The following RALGPS2 variants were observed in gnomAD, a reference collection of about 807,000 sequenced individuals.
RALGPS2 encodes ras-specific guanine nucleotide-releasing factor RalGPS2.
RALGPS2 carries 43 observed loss-of-function variants against 86.8 expected under a neutral mutation model. The observed-to-expected ratio is 0.50, with a 90% CI of 0.39 to 0.64. RALGPS2 has a LOEUF of 0.64. Among genes scored for constraint, RALGPS2 ranks in the 30% least tolerant of loss-of-function variants. The pLI, the probability that RALGPS2 is intolerant of heterozygous loss-of-function variation, is 0.00. For missense variants in RALGPS2, 536 were observed against 694.6 expected (o/e 0.77, Z 2.57); for synonymous variants, 243 against 231.3 (o/e 1.05, Z -0.46).
At chr1:178,779,244 A>G (rs1479205728) in intron 2 of RALGPS2, among the ~76,000 whole-genome samples, 1 of 152,170 alleles carries the variant, frequency 6.6e-6, no homozygotes, top group Non-Finnish European at 1.5e-5. Context: ...TCTAGTTAAT[A>G]TATTATGATT....
chr1:178,887,408 G>A (rs758132396), intron 13 of RALGPS2, among the ~76,000 whole-genome samples: 6 of 152,292 alleles, frequency 3.9e-5, no homozygotes, highest in Middle Eastern at 3.4e-3. Flanking sequence ...AGCCATGTTC[G>A]CAGCACTGCA....
intron 4 of RALGPS2, among the ~76,000 whole-genome samples, chr1:178,788,866 TTTTCTTTTC>T (rs1653814657): frequency 6.7e-6 from 1 of 148,572 alleles, no homozygotes; most frequent in Non-Finnish European, 1.5e-5. Context: ...TTTTCTTTTC[TTTTCTTTTC>T]TTTTCTTTCT....
At chr1:178,728,669 G>A (rs1189950662) in intron 1 of RALGPS2, among the ~76,000 whole-genome samples, 1 of 151,866 alleles carries the variant, frequency 6.6e-6, no homozygotes, top group Non-Finnish European at 1.5e-5. Context: ...TGAATGTATT[G>A]CATTACCCTG....
intron 1 of RALGPS2, chr1:178,747,148 A>G: frequency 9.9e-7 from 1 of 1,009,042 alleles, no homozygotes; most frequent in South Asian, 1.3e-5. Context: ...CCATCAAAAC[A>G]AGACAAGTGT....
At chr1:178,816,818 C>G (rs1284942136) in intron 6 of RALGPS2, among the ~76,000 whole-genome samples, 2 of 151,564 alleles carry the variant, frequency 1.3e-5, no homozygotes. Context: ...AAGCGATTCT[C>G]CTGCCTCAGC....
rs536781434 is a variant in RALGPS2, at chr1:178,738,482, T to TACAG, written c.-84+13064_-84+13067dup. ...CCTTGGCCTCCCAAAGTGCTAGGAT[T>TACAG]ACAGGTGTGAGCCACTGCCGTCGGC... On this transcript the variant is annotated intron_variant, in intron 1 of 19. Coordinates refer to ENST00000367635, the MANE Select transcript of RALGPS2 (RefSeq NM_152663.5). Among the ~76,000 whole-genome samples the TACAG allele has an allele frequency of 6.4e-4, 97 of 152,322 alleles. 1 individual carries two copies. The highest frequency in any genetic ancestry group is 3.0e-3 in the Admixed American group (46 of 15,308).
intron 2 of RALGPS2, among the ~76,000 whole-genome samples, chr1:178,781,498 C>A (rs764819858): frequency 2.0e-5 from 3 of 152,142 alleles, no homozygotes; most frequent in African/African-American, 4.8e-5. Flanking sequence ...TGCTATTCTC[C>A]TGGTGAACAT....
intron 8 of RALGPS2, among the ~76,000 whole-genome samples, chr1:178,836,711 C>G (rs748835564): frequency 1.3e-5 from 2 of 152,204 alleles, no homozygotes; most frequent in Non-Finnish European, 2.9e-5. Context: ...ATTAGCTGCT[C>G]TTACTCTACC....
chr1:178,809,087 C>CG (rs1654865927), intron 5 of RALGPS2, among the ~76,000 whole-genome samples: 1 of 151,940 alleles, frequency 6.6e-6, no homozygotes, highest in Non-Finnish European at 1.5e-5. Flanking sequence ...TGGCCTCAAG[C>CG]GATCCTCCTG....
intron 8 of RALGPS2, among the ~76,000 whole-genome samples, chr1:178,849,257 A>G (rs1572397418): frequency 6.6e-6 from 1 of 152,152 alleles, no homozygotes; most frequent in African/African-American, 2.4e-5. Context: ...AACCTACACT[A>G]ACTATCATAT....
chr1:178,892,404 A>G, intron 15 of RALGPS2, 97 bp downstream of exon 15: 1 of 976,698 alleles, frequency 1.0e-6, no homozygotes, highest in East Asian at 2.6e-5. Flanking sequence ...TTTCTTTCTC[A>G]ACTAATTGAT....
intron 10 of RALGPS2, among the ~76,000 whole-genome samples, chr1:178,880,841 G>C (rs189737903): frequency 6.6e-6 from 1 of 152,250 alleles, no homozygotes; most frequent in Admixed American, 6.5e-5. Flanking sequence ...ATTTATTAAA[G>C]CTAGTTTTTA....
chr1:178,827,656 A>G (rs1244151861), intron 7 of RALGPS2, among the ~76,000 whole-genome samples: 1 of 152,038 alleles, frequency 6.6e-6, no homozygotes, highest in Non-Finnish European at 1.5e-5. Flanking sequence ...CGGCCTCCCA[A>G]AGTGCTGGGA....
chr1:178,841,115 A>G (rs1365629471), intron 8 of RALGPS2, among the ~76,000 whole-genome samples: 1 of 152,170 alleles, frequency 6.6e-6, no homozygotes, highest in Non-Finnish European at 1.5e-5. Flanking sequence ...ATTCCAATCA[A>G]TAGAAAAAGA....
rs576578056 is a variant in RALGPS2, at chr1:178,871,204, G to C, written c.608-6294G>C. ...ATTTCCTCTTTGTAGCCTTAAATAG[G>C]GGGGTGGGATCAGCAGGAGGTTGAA... On this transcript the variant is annotated intron_variant, in intron 8 of 19. Coordinates refer to ENST00000367635, the MANE Select transcript of RALGPS2 (RefSeq NM_152663.5). 7.9e-5 allele frequency among the ~76,000 whole-genome samples: 12 copies of C among 152,190 alleles called. No homozygotes were observed. The South Asian group carries it at 1.7e-3, about 21-fold the overall frequency.
At chr1:178,872,727 T>C (rs1658824311) in intron 8 of RALGPS2, among the ~76,000 whole-genome samples, 1 of 152,238 alleles carries the variant, frequency 6.6e-6, no homozygotes, top group Non-Finnish European at 1.5e-5. Flanking sequence ...TTCTGAGCTT[T>C]TAAACTTTCA....
rs1660886358 is a variant in RALGPS2, at chr1:178,918,659, A to G, written c.*2300A>G. The G allele has an allele frequency of 6.6e-6, 1 of 152,158 alleles. No homozygotes were observed. The highest frequency in any genetic ancestry group is 6.5e-5 in the Admixed American group (1 of 15,274). 9.4% of individuals were successfully genotyped at this position (152,158 alleles called of 1,614,324 possible). A position where few individuals can be genotyped will look rare whatever the true frequency, so the allele number is the denominator to read the frequency against. On this transcript the variant is annotated 3_prime_UTR_variant, in exon 20 of 20. Coordinates refer to ENST00000367635, the MANE Select transcript of RALGPS2 (RefSeq NM_152663.5). Reference sequence around the variant, plus strand: ...TGACTAAATTTCTTAACAGCACAGAAGTCGTTGTTTTTCTGTCTTTAAAAT... The same window carrying G: ...TGACTAAATTTCTTAACAGCACAGAGGTCGTTGTTTTTCTGTCTTTAAAAT...
At chr1:178,884,790 T>A (rs1032216339) in intron 11 of RALGPS2, among the ~76,000 whole-genome samples, 4 of 152,116 alleles carry the variant, frequency 2.6e-5, no homozygotes, top group African/African-American at 9.7e-5. Context: ...TAGTCCAGAT[T>A]TTGTCTGTGA....
chr1:178,843,679 A>T (rs1656723147), intron 8 of RALGPS2, among the ~76,000 whole-genome samples: 1 of 151,522 alleles, frequency 6.6e-6, no homozygotes, highest in South Asian at 2.1e-4. Flanking sequence ...AAAGAAAGAA[A>T]CCAAAAAGGG....
Sources: gnomAD v4.1 joint callset for allele counts (sites outside exome capture counted in the v4.1 genomes callset) on GRCh38, gnomAD v4.1.1 for gene constraint, MANE v1.5 for transcripts, NCBI Gene and HGNC (gene_info 2026-07-23, HGNC 2026-07-21) for gene names.